MGST1: variants seen among roughly 807,000 people sequenced by gnomAD.
MGST1 encodes microsomal glutathione S-transferase 1.
A neutral mutation model predicts 8.9 loss-of-function variants in MGST1; 5 were observed. That is an observed-to-expected ratio of 0.56 (90% confidence interval 0.29 to 1.19). The LOEUF is 1.19. Ranked by LOEUF, MGST1 falls within the 50% of genes most tolerant of loss-of-function variation. The pLI, the probability that MGST1 is intolerant of heterozygous loss-of-function variation, is 0.08. For synonymous variants in MGST1, 54 were observed against 67.8 expected (o/e 0.80, Z 1.00); for missense variants, 182 against 187.4 (o/e 0.97, Z 0.17).
chr12:16,451,333 T>A (rs1008661606), intron 4 of MGST1, among the ~76,000 whole-genome samples: 1 of 151,880 alleles, frequency 6.6e-6, no homozygotes. Flanking sequence ...AACAGTGGTA[T>A]GCATAGGGGG....
chr12:16,548,968 G>A lies in MGST1; in HGVS notation n.483-40560G>A, dbSNP rs1242066710. On this transcript the variant is annotated intron_variant and non_coding_transcript_variant, in intron 4 of 4. Transcript: ENST00000538857. The surrounding 1 kb of genome is among the most constrained non-coding windows in gnomAD (Gnocchi z 4.2). Reference sequence around the variant, plus strand: ...TGGTCTTCCAGTGGCAAGGATAGTTGAACAACTTCAAGAAGCTGAGAGAAG... The same window carrying A: ...TGGTCTTCCAGTGGCAAGGATAGTTAAACAACTTCAAGAAGCTGAGAGAAG... 2 of 152,114 alleles carry A rather than the reference G, an allele frequency of 1.3e-5. No individual in the cohort carries two copies. Among genetic ancestry groups the A allele is most frequent in the Non-Finnish European group, 2.9e-5 (2 of 68,014 alleles). 9.4% of individuals were successfully genotyped at this position (152,114 alleles called of 1,614,324 possible). A position where few individuals can be genotyped will look rare whatever the true frequency, so the allele number is the denominator to read the frequency against.
At chr12:16,561,824 T>C (rs371680345) in intron 4 of MGST1, among the ~76,000 whole-genome samples, 59 of 152,334 alleles carry the variant, frequency 3.9e-4, no homozygotes, top group African/African-American at 1.3e-3. Flanking sequence ...TTTTGTTGGA[T>C]TGTCTCTTGA....
chr12:16,381,257 T>G (rs1940451255), downstream of MGST1, among the ~76,000 whole-genome samples: 1 of 152,152 alleles, frequency 6.6e-6, no homozygotes, highest in African/African-American at 2.4e-5. Context: ...CAATTTGGCA[T>G]GTTTTTGCAG....
chr12:16,500,837 G>T lies in MGST1; in HGVS notation n.483-88691G>T, dbSNP rs1404575076. On this transcript the variant is annotated intron_variant and non_coding_transcript_variant, in intron 4 of 4. Transcript: ENST00000538857. This position sits in a 1 kb window ranked among gnomAD's most constrained non-coding sequence, Gnocchi z 4.3. ...AATGTACTTAGAGGTTGGGCGTGGT[G>T]GCTCACGCCTGTAATCCCAGCACTT... Among the ~76,000 whole-genome samples the T allele has an allele frequency of 6.6e-6, 1 of 152,146 alleles. No homozygotes were observed. Among genetic ancestry groups the T allele is most frequent in the Non-Finnish European group, 1.5e-5 (1 of 68,014 alleles).
At position 16,394,542 on chromosome 12, in the gene MGST1, CT is replaced by C. The variant is rs796944016; in HGVS notation, n.778+10941del. ...TCTTTCTTTCTTTCTTTCTTTCTTTCTTTCTTTCTTTCTTTCTTTCTTTCTT... is the reference window on the plus strand; with the variant it reads ...TCTTTCTTTCTTTCTTTCTTTCTTTCTTCTTTCTTTCTTTCTTTCTTTCTT... On this transcript the variant is annotated intron_variant and non_coding_transcript_variant, in intron 1 of 1. Transcript: ENST00000359720. Among the ~76,000 whole-genome samples, 16 of 59,412 alleles carry C rather than the reference CT, an allele frequency of 2.7e-4. 3 individuals are homozygous for C. Among genetic ancestry groups the C allele is most frequent in the Non-Finnish European group, 6.4e-5 (2 of 31,390 alleles). 39.0% of individuals were successfully genotyped at this position (59,412 alleles called of 152,430 possible).
At chr12:16,353,539 A>G (rs1257795889) in intron 1 of MGST1, 1 of 152,164 alleles carries the variant, frequency 6.6e-6, no homozygotes, top group South Asian at 2.1e-4. Flanking sequence ...TGCTAGGTAC[A>G]TAGCTTGATG....
At chr12:16,554,474 G>A (rs2137271423) in intron 4 of MGST1, among the ~76,000 whole-genome samples, 1 of 152,074 alleles carries the variant, frequency 6.6e-6, no homozygotes, top group South Asian at 2.1e-4. Flanking sequence ...AAGAAGTCCG[G>A]GTTGTGTACT....
Position 16,401,018 on chromosome 12 carries a change from G to C in MGST1, n.778+17414G>C. The C allele has an allele frequency of 6.4e-7, 1 of 1,563,170 alleles. No individual in the cohort carries two copies. Among genetic ancestry groups the C allele is most frequent in the Non-Finnish European group, 8.8e-7 (1 of 1,134,148 alleles). On this transcript the variant is annotated intron_variant and non_coding_transcript_variant, in intron 1 of 1. Coordinates refer to the MGST1 transcript ENST00000359720. The surrounding 1 kb of genome is among the most constrained non-coding windows in gnomAD (Gnocchi z 4.3). ...ATGTGCTCTTCACTTCTCTTCTGCA[G>C]TCATTTCATTCCTGTTCTTTCTGTA...
chr12:16,511,591 A>G (rs749171178), intron 4 of MGST1, among the ~76,000 whole-genome samples: 57 of 152,210 alleles, frequency 3.7e-4, no homozygotes, highest in Non-Finnish European at 7.8e-4. Context: ...CCTAGAAGGC[A>G]TTGTTCTTTA....
At chr12:16,566,032 AT>A in intron 4 of MGST1, among the ~76,000 whole-genome samples, 4 of 84,164 alleles carry the variant, frequency 4.8e-5, no homozygotes, top group African/African-American at 8.9e-5. Context: ...ATATATATAT[AT>A]ATATATAAAA....
At chr12:16,387,856 A>T (rs1013405959) in intron 1 of MGST1, among the ~76,000 whole-genome samples, 1 of 151,906 alleles carries the variant, frequency 6.6e-6, no homozygotes, top group African/African-American at 2.4e-5. Context: ...TACCTTTTCT[A>T]TGTTTAGATA....
chr12:16,558,587 G>A (rs556492730), intron 4 of MGST1, among the ~76,000 whole-genome samples: 6 of 151,970 alleles, frequency 3.9e-5, no homozygotes, highest in South Asian at 4.2e-4. Context: ...ATTTATTTTC[G>A]TCTAAATGTT....
At position 16,401,517 on chromosome 12, in the gene MGST1, G is replaced by A. The variant is rs1940655539; in HGVS notation, n.778+17913G>A. 1.2e-5 allele frequency: 11 copies of A among 926,632 alleles called. No individual in the cohort carries two copies. The highest frequency in any genetic ancestry group is 1.9e-5 in the Non-Finnish European group (11 of 566,638). The allele number at this position is 926,632 out of a possible 1,614,324, so 57.4% of individuals were successfully genotyped here. ...CTTCTTGAAGCTGGAGTAAAAAGTT[G>A]TAATTTTCTTGAACTTCCTGAGGAG... On this transcript the variant is annotated intron_variant and non_coding_transcript_variant, in intron 1 of 1. Transcript: ENST00000359720. This position sits in a 1 kb window ranked among gnomAD's most constrained non-coding sequence, Gnocchi z 4.3.
chr12:16,399,448 C>T (rs1263073556), intron 1 of MGST1: 1 of 1,546,380 alleles, frequency 6.5e-7, no homozygotes, highest in Non-Finnish European at 8.9e-7. Flanking sequence ...CGGGCTTCTT[C>T]CTCCAGTTCA....
chr12:16,582,999 A>C lies in MGST1; in HGVS notation n.483-6529A>C, dbSNP rs1377507373. On this transcript the variant is annotated intron_variant and non_coding_transcript_variant, in intron 4 of 4. Coordinates refer to the MGST1 transcript ENST00000538857. This position sits in a 1 kb window ranked among gnomAD's most constrained non-coding sequence, Gnocchi z 4.1. ...GAGGCAGAGGTTGTAGTGAGCTGAGATCACTCCACTGCACTCTAGCCTGGG... is the reference window on the plus strand; with the variant it reads ...GAGGCAGAGGTTGTAGTGAGCTGAGCTCACTCCACTGCACTCTAGCCTGGG... 1.3e-5 allele frequency among the ~76,000 whole-genome samples: 2 copies of C among 148,422 alleles called. No individual in the cohort carries two copies. The highest frequency in any genetic ancestry group is 2.1e-4 in the South Asian group (1 of 4,716).
At chr12:16,439,900 C>T (rs768827028), downstream of MGST1, among the ~76,000 whole-genome samples, 18 of 151,802 alleles carry the variant, frequency 1.2e-4, no homozygotes, top group Non-Finnish European at 2.5e-4. Flanking sequence ...CCCTCTCCAG[C>T]ACTCTCCTGT....
At chr12:16,379,077 A>G (rs1940423559), downstream of MGST1, among the ~76,000 whole-genome samples, 1 of 152,078 alleles carries the variant, frequency 6.6e-6, no homozygotes, top group Non-Finnish European at 1.5e-5. Flanking sequence ...TAGATATACA[A>G]TCATGTCATC....
downstream of MGST1, among the ~76,000 whole-genome samples, chr12:16,442,013 G>A (rs559990414): frequency 1.3e-5 from 2 of 151,872 alleles, no homozygotes; most frequent in South Asian, 2.1e-4. This position sits in a 1 kb window ranked among gnomAD's most constrained non-coding sequence, Gnocchi z 4.5. Flanking sequence ...ATTCTAATAC[G>A]TGTGTGGTGG....
In MGST1 at chr12:16,575,274, A is replaced by G. The variant is rs539660589; in HGVS notation, n.483-14254A>G. Among the ~76,000 whole-genome samples the G allele has an allele frequency of 2.6e-5, 4 of 152,334 alleles. No homozygotes were observed. In the South Asian group the frequency reaches 8.3e-4, roughly 32 times the overall value. ...TTTGTTTATCTTCAAAAATATAGGC[A>G]TAAGGTCAATTTCCACACACTAAAC... On this transcript the variant is annotated intron_variant and non_coding_transcript_variant, in intron 4 of 4. Coordinates refer to the MGST1 transcript ENST00000538857.
Sources: allele counts gnomAD v4.1 joint callset (sites outside exome capture counted in the v4.1 genomes callset), GRCh38; gene constraint gnomAD v4.1.1; non-coding constraint Gnocchi (gnomAD v3.1); transcripts MANE v1.5; gene names NCBI Gene and HGNC (gene_info 2026-07-23, HGNC 2026-07-21).